The following OTOF variants were observed in gnomAD, a reference collection of about 807,000 sequenced individuals.
The protein encoded by OTOF is otoferlin.
In OTOF, 218 loss-of-function variants were observed where a neutral mutation model predicts 236.8. The ratio of observed to expected loss-of-function variants is 0.92; its 90% CI spans 0.82 to 1.03. OTOF has a LOEUF of 1.03. OTOF is among the 50% of genes least tolerant of loss of function. OTOF has a pLI of 0.00. For missense variants in OTOF, 2,590 were observed against 2,694.4 expected, an observed-to-expected ratio of 0.96 and a Z score of 0.86; for synonymous variants, 1,041 against 1,072.5, an observed-to-expected ratio of 0.97 and a Z score of 0.57.
At chr2:26,557,313 C>T (rs1667617180) in intron 1 of OTOF, among the ~76,000 whole-genome samples, 1 of 152,178 alleles carries the variant, frequency 6.6e-6, no homozygotes, top group South Asian at 2.1e-4. Flanking sequence ...CCACCTCGTC[C>T]CCATCCCACT....
intron 1 of OTOF, among the ~76,000 whole-genome samples, chr2:26,540,916 A>C (rs992060726): frequency 7.9e-5 from 12 of 152,222 alleles, no homozygotes; most frequent in African/African-American, 2.7e-4. Context: ...TCTCAACAAC[A>C]AGCCCCCGGG....
chr2:26,467,701 G>A (rs1026658617), intron 33 of OTOF, among the ~76,000 whole-genome samples, 200 bp from the exon 34 acceptor site: 12 of 152,240 alleles, frequency 7.9e-5, no homozygotes, highest in Admixed American at 7.2e-4. Flanking sequence ...CCGGGAAGGT[G>A]TCTGAAGACT....
chr2:26,457,842 C>G lies in OTOF; in HGVS notation c.*396G>C. The stretch of plus-strand genomic sequence containing the variant: ...GGCTCCCCAGCCCACAGGCAGGGGT[C>G]AGAGGGGCGGGACTGGGCAAGCCGC... On this transcript the variant is annotated 3_prime_UTR_variant, in exon 47 of 47. Coordinates refer to ENST00000272371, the MANE Select transcript of OTOF (RefSeq NM_194248.3). This position sits in a 1 kb window ranked among gnomAD's most constrained non-coding sequence, Gnocchi z 4.4. 1.7e-6 allele frequency: 1 copy of G among 595,432 alleles called. No homozygotes were observed. The highest frequency in any genetic ancestry group is 3.0e-6 in the Non-Finnish European group (1 of 338,030). The allele number at this position is 595,432 out of a possible 1,614,324, so 36.9% of individuals were successfully genotyped here. A position where few individuals can be genotyped will look rare whatever the true frequency, so the allele number is the denominator to read the frequency against.
intron 1 of OTOF, among the ~76,000 whole-genome samples, chr2:26,540,008 A>G (rs1259254728): frequency 6.6e-6 from 1 of 152,124 alleles, no homozygotes; most frequent in Non-Finnish European, 1.5e-5. Flanking sequence ...ATCTTGGCTC[A>G]CTGCAAACTC....
At chr2:26,527,056 C>T (rs1449598233) in intron 3 of OTOF, among the ~76,000 whole-genome samples, 1 of 152,186 alleles carries the variant, frequency 6.6e-6, no homozygotes, top group Non-Finnish European at 1.5e-5. Flanking sequence ...GAATTCTTCT[C>T]ATGGCCCAGA....
chr2:26,531,278 C>T (rs540733687), intron 2 of OTOF, among the ~76,000 whole-genome samples: 2 of 152,312 alleles, frequency 1.3e-5, no homozygotes, highest in African/African-American at 4.8e-5. Flanking sequence ...CTCACGCAGA[C>T]TGGGAGTCTC....
chr2:26,457,810 C>T lies in OTOF; in HGVS notation c.*428G>A, dbSNP rs565829175. 5.4e-6 allele frequency: 3 copies of T among 551,210 alleles called. No individual in the cohort carries two copies. In the Admixed American group the frequency reaches 9.5e-5, roughly 18 times the overall value. The allele number at this position is 551,210 out of a possible 1,614,324, so 34.1% of individuals were successfully genotyped here. ...AGAGACCCATTCCAGGTCCCCACCC[C>T]ATCCAAGGCTCCCCAGCCCACAGGC... On this transcript the variant is annotated 3_prime_UTR_variant, in exon 47 of 47. Coordinates refer to ENST00000272371, the MANE Select transcript of OTOF (RefSeq NM_194248.3). The surrounding 1 kb of genome is among the most constrained non-coding windows in gnomAD (Gnocchi z 4.4).
intron 1 of OTOF, among the ~76,000 whole-genome samples, chr2:26,553,383 CA>C (rs2148138093): frequency 6.6e-6 from 1 of 152,316 alleles, no homozygotes; most frequent in East Asian, 1.9e-4. Context: ...TAGGTACAAA[CA>C]GGGGCAGTTT....
At chr2:26,516,624 G>A in intron 4 of OTOF, 25 bp from the exon 5 acceptor site, 1 of 1,600,498 alleles carries the variant, frequency 6.2e-7, no homozygotes. Context: ...GCGGTGGTGA[G>A]CAGCTGGGAT....
At chr2:26,482,655 G>T in intron 13 of OTOF, 63 bp from the exon 14 acceptor site, 2 of 1,420,252 alleles carry the variant, frequency 1.4e-6, no homozygotes, top group Non-Finnish European at 2.0e-6. Flanking sequence ...GCATGTGTGT[G>T]TGTGTGAGTG....
chr2:26,511,680 G>T (rs1666394103), intron 5 of OTOF, among the ~76,000 whole-genome samples: 1 of 152,172 alleles, frequency 6.6e-6, no homozygotes, highest in African/African-American at 2.4e-5. Context: ...GGCCTCGGCT[G>T]CCCACATCAG....
In OTOF at chr2:26,466,837, C is replaced by A. The variant is rs374209343; in HGVS notation, c.4377G>T (p.Val1459=). 3.7e-6 allele frequency: 6 copies of A among 1,614,110 alleles called. No homozygotes were observed. The highest frequency in any genetic ancestry group is 1.6e-4 in the Middle Eastern group (1 of 6,084). The part of the protein sequence containing the change: ...IVGRFKGSLC[V]YKVPLPEDVS... ...CGTCCTCTGGGAGTGGCACTTTGTACACGCAGAGGGAGCCCTGGGCAAGAC... is the reference window on the plus strand; with the variant it reads ...CGTCCTCTGGGAGTGGCACTTTGTAAACGCAGAGGGAGCCCTGGGCAAGAC... The change falls in exon 36 of 47, where the codon GTG becomes GTT. Residue 1459 remains valine, a synonymous_variant. Coordinates refer to ENST00000272371, the MANE Select transcript of OTOF (RefSeq NM_194248.3).
At chr2:26,545,548 A>C (rs1246159440) in intron 1 of OTOF, among the ~76,000 whole-genome samples, 1 of 152,124 alleles carries the variant, frequency 6.6e-6, no homozygotes, top group Non-Finnish European at 1.5e-5. Context: ...CCAATTTTTA[A>C]GAAATGCAAG....
intron 2 of OTOF, among the ~76,000 whole-genome samples, chr2:26,536,612 G>A (rs567478037): frequency 6.6e-4 from 100 of 152,246 alleles, no homozygotes; most frequent in African/African-American, 2.4e-3. Flanking sequence ...GACAGCTGGT[G>A]CCAAGTGTCA....
intron 29 of OTOF, among the ~76,000 whole-genome samples, 181 bp downstream of exon 29, chr2:26,472,951 G>A (rs775721735): frequency 5.3e-5 from 8 of 152,328 alleles, no homozygotes; most frequent in Non-Finnish European, 7.4e-5. Flanking sequence ...TGCCCTCTCT[G>A]GCTGTAGAGC....
chr2:26,540,513 G>A (rs1572491485), intron 1 of OTOF, among the ~76,000 whole-genome samples: 1 of 152,316 alleles, frequency 6.6e-6, no homozygotes, highest in East Asian at 1.9e-4. Context: ...AAGCAGGCTC[G>A]TTCCCTCCGG....
intron 5 of OTOF, among the ~76,000 whole-genome samples, chr2:26,509,829 G>T (rs55655031): frequency 0.21 from 31,542 of 152,014 alleles, 4,157 homozygotes; most frequent in East Asian, 0.29. Context: ...AAATTTCCTG[G>T]GTCTATGGTG....
At chr2:26,553,859 T>A (rs763700753) in intron 1 of OTOF, among the ~76,000 whole-genome samples, 1 of 152,122 alleles carries the variant, frequency 6.6e-6, no homozygotes, top group African/African-American at 2.4e-5. Flanking sequence ...ACCTATGGGC[T>A]GGAGCTGAAC....
intron 46 of OTOF, among the ~76,000 whole-genome samples, chr2:26,459,460 G>A (rs865897482): frequency 6.6e-6 from 1 of 151,518 alleles, no homozygotes; most frequent in Non-Finnish European, 1.5e-5. Flanking sequence ...GCTGAGGCAG[G>A]AGAATGGCGT....
Sources: gnomAD v4.1 joint callset for allele counts (sites outside exome capture counted in the v4.1 genomes callset) on GRCh38, gnomAD v4.1.1 for gene constraint, Gnocchi (gnomAD v3.1) non-coding constraint, MANE v1.5 for transcripts, NCBI Gene and HGNC (gene_info 2026-07-23, HGNC 2026-07-21) for gene names.